SUSD6: variants seen among roughly 807,000 people sequenced by gnomAD.
SUSD6 encodes the protein sushi domain containing 6.
A neutral mutation model predicts 28.4 loss-of-function variants in SUSD6; 16 were observed. That is an observed-to-expected ratio of 0.56 (90% confidence interval 0.38 to 0.86). The LOEUF (loss-of-function observed/expected upper bound fraction) is 0.86. SUSD6 is among the 40% of genes least tolerant of loss of function. The probability of loss-of-function intolerance (pLI) is 0.00; values close to 1 mark genes in which losing one functional copy is unlikely to be tolerated. For missense variants in SUSD6, 341 were observed against 384.2 expected, an observed-to-expected ratio of 0.89 and a Z score of 0.94; for synonymous variants, 147 against 159.6, an observed-to-expected ratio of 0.92 and a Z score of 0.59.
chr14:69,710,967 G>T lies in SUSD6; in HGVS notation c.900G>T (p.Leu300Phe). ...SEEYTDDIPL[L>F]KEA Reference sequence around the variant, plus strand: ...GTCTTCCTGCAGATATTCCACTGTTGAAAGAAGCATGAGGGCAGCGGCCAG... The same window carrying T: ...GTCTTCCTGCAGATATTCCACTGTTTAAAGAAGCATGAGGGCAGCGGCCAG... The change falls in exon 6 of 6, where the codon TTG (leucine) becomes TTT (phenylalanine). Residue 300 changes from leucine to phenylalanine, a missense_variant. Coordinates refer to ENST00000342745, the MANE Select transcript of SUSD6 (RefSeq NM_014734.4). 5 of 1,614,120 alleles carry T rather than the reference G, an allele frequency of 3.1e-6. No homozygotes were observed. The highest frequency in any genetic ancestry group is 4.2e-6 in the Non-Finnish European group (5 of 1,180,012).
intron 1 of SUSD6, among the ~76,000 whole-genome samples, chr14:69,619,598 G>GAA (rs10554011): frequency 0.017 from 2,015 of 119,022 alleles, 48 homozygotes; most frequent in African/African-American, 0.056. Flanking sequence ...CATCTCTACA[G>GAA]AAAAAAAAAA....
chr14:69,665,292 G>A (rs1057104275), intron 2 of SUSD6, among the ~76,000 whole-genome samples: 1 of 152,114 alleles, frequency 6.6e-6, no homozygotes. Flanking sequence ...CCAGGTTGGA[G>A]TGCAGTGGCT....
chr14:69,672,719 T>C (rs1028568182), intron 2 of SUSD6, among the ~76,000 whole-genome samples: 4 of 152,312 alleles, frequency 2.6e-5, no homozygotes, highest in African/African-American at 9.6e-5. Context: ...CCCCCGAGTG[T>C]CCTGCTCAGG....
chr14:69,703,338 G>A, intron 2 of SUSD6, 57 bp from the exon 3 acceptor site: 1 of 1,380,532 alleles, frequency 7.2e-7, no homozygotes, highest in Admixed American at 1.8e-5. Context: ...GTCACTGAGA[G>A]CAGACTCCTA....
chr14:69,670,812 G>A (rs1038250053), intron 2 of SUSD6, among the ~76,000 whole-genome samples: 3 of 152,266 alleles, frequency 2.0e-5, no homozygotes, highest in African/African-American at 7.2e-5. Flanking sequence ...GAGAGGAAGA[G>A]AGTATGGTGT....
chr14:69,699,651 G>A (rs1390843131), intron 2 of SUSD6, among the ~76,000 whole-genome samples: 1 of 151,888 alleles, frequency 6.6e-6, no homozygotes, highest in Non-Finnish European at 1.5e-5. Context: ...TCATAGATGG[G>A]CATAAAATAA....
intron 1 of SUSD6, among the ~76,000 whole-genome samples, chr14:69,641,598 T>C (rs1885353566): frequency 6.6e-6 from 1 of 152,146 alleles, no homozygotes; most frequent in Non-Finnish European, 1.5e-5. Flanking sequence ...TTTGAATCTT[T>C]ATTTTTTTTG....
chr14:69,690,111 A>G (rs1014995553), intron 2 of SUSD6, among the ~76,000 whole-genome samples: 2 of 152,198 alleles, frequency 1.3e-5, no homozygotes, highest in African/African-American at 4.8e-5. Context: ...TGTCCGAGGC[A>G]TTGTCTTCTG....
rs957562725 is a variant in SUSD6, at chr14:69,675,252, T to A, written c.121+16539T>A. On this transcript the variant is annotated intron_variant, in intron 2 of 5. Coordinates refer to ENST00000342745, the MANE Select transcript of SUSD6 (RefSeq NM_014734.4). ...AACTGCTTAGTTCTTGGTGTGCAGGTGGAAGAGGGTCCCCATGAGAATTCT... is the reference window on the plus strand; with the variant it reads ...AACTGCTTAGTTCTTGGTGTGCAGGAGGAAGAGGGTCCCCATGAGAATTCT... Among the ~76,000 whole-genome samples the A allele has an allele frequency of 1.6e-4, 24 of 152,342 alleles. 2 individuals are homozygous for A. Among genetic ancestry groups the A allele is most frequent in the Admixed American group, 1.5e-3 (23 of 15,304 alleles).
At chr14:69,638,198 A>G (rs1005772834) in intron 1 of SUSD6, among the ~76,000 whole-genome samples, 2 of 152,180 alleles carry the variant, frequency 1.3e-5, no homozygotes, top group Non-Finnish European at 2.9e-5. Flanking sequence ...ATCAGAGTTT[A>G]TACCTTTCTG....
chr14:69,624,273 A>T (rs543687590), intron 1 of SUSD6, among the ~76,000 whole-genome samples: 2 of 152,372 alleles, frequency 1.3e-5, no homozygotes, highest in South Asian at 2.1e-4. Flanking sequence ...TGAGGTGTAT[A>T]GTAGGCTATG....
At position 69,625,442 on chromosome 14, in the gene SUSD6, C is replaced by T. The variant is rs139943384; in HGVS notation, c.-81+13614C>T. 9.9e-5 allele frequency among the ~76,000 whole-genome samples: 15 copies of T among 152,252 alleles called. No homozygotes were observed. The East Asian group carries it at 1.7e-3, about 18-fold the overall frequency. On this transcript the variant is annotated intron_variant, in intron 1 of 5. Transcript: ENST00000342745. ...CTAGATGTTGGGTTAGCAGCAGAAACGGGGCTGACGCCTACATGGTCTCCT... is the reference window on the plus strand; with the variant it reads ...CTAGATGTTGGGTTAGCAGCAGAAATGGGGCTGACGCCTACATGGTCTCCT...
Position 69,711,704 on chromosome 14 carries a change from T to C in SUSD6, c.*725T>C, listed in dbSNP as rs1227420133. ...CAAAGGCACAAGCTCCTGGCCCTGT[T>C]GAGTTGAGAGTTTCCAAGAAGCATC... On this transcript the variant is annotated 3_prime_UTR_variant, in exon 6 of 6. Coordinates refer to ENST00000342745, the MANE Select transcript of SUSD6 (RefSeq NM_014734.4). The C allele has an allele frequency of 6.6e-6, 1 of 152,272 alleles. No homozygotes were observed. The highest frequency in any genetic ancestry group is 1.5e-5 in the Non-Finnish European group (1 of 68,084). The allele number at this position is 152,272 out of a possible 1,614,324, so 9.4% of individuals were successfully genotyped here. A position where few individuals can be genotyped will look rare whatever the true frequency, so the allele number is the denominator to read the frequency against.
intron 2 of SUSD6, among the ~76,000 whole-genome samples, chr14:69,683,405 C>A (rs530012587): frequency 6.6e-6 from 1 of 152,202 alleles, no homozygotes; most frequent in Admixed American, 6.5e-5. Context: ...AAATGGTGAA[C>A]AAAATGGTAT....
At chr14:69,695,536 C>T (rs1057344407) in intron 2 of SUSD6, among the ~76,000 whole-genome samples, 10 of 152,136 alleles carry the variant, frequency 6.6e-5, no homozygotes, top group South Asian at 2.1e-4. Context: ...CCAGAGTCTA[C>T]GGGCAGTACC....
At chr14:69,646,698 A>ATT (rs1566594288) in intron 1 of SUSD6, among the ~76,000 whole-genome samples, 2 of 58,286 alleles carry the variant, frequency 3.4e-5, no homozygotes, top group Non-Finnish European at 7.5e-5. Context: ...TTTTTTTTCC[A>ATT]TCTTTTTTTT....
intron 1 of SUSD6, among the ~76,000 whole-genome samples, chr14:69,640,073 G>C (rs151246032): frequency 1.4e-5 from 2 of 147,654 alleles, no homozygotes; most frequent in African/African-American, 2.5e-5. Flanking sequence ...ATAGTTTAGT[G>C]GGGGAGGGAG....
At chr14:69,673,935 GA>G (rs1314612612) in intron 2 of SUSD6, among the ~76,000 whole-genome samples, 1 of 152,192 alleles carries the variant, frequency 6.6e-6, no homozygotes, top group Non-Finnish European at 1.5e-5. Context: ...GATTTACCCT[GA>G]CAGCTTCCTC....
intron 1 of SUSD6, among the ~76,000 whole-genome samples, chr14:69,624,134 T>TATAA (rs1885080294): frequency 6.6e-6 from 1 of 152,262 alleles, no homozygotes; most frequent in Non-Finnish European, 1.5e-5. Flanking sequence ...TTTTATCTTT[T>TATAA]ATACCATATT....
Sources: gnomAD v4.1 joint callset for allele counts (sites outside exome capture counted in the v4.1 genomes callset) on GRCh38, gnomAD v4.1.1 for gene constraint, MANE v1.5 for transcripts, NCBI Gene and HGNC (gene_info 2026-07-23, HGNC 2026-07-21) for gene names.